Variants in LTBP1 observed in about 807,000 individuals in gnomAD.
The protein encoded by LTBP1 is latent-transforming growth factor beta-binding protein 1.
In LTBP1, 129 loss-of-function variants were observed where a neutral mutation model predicts 207.6. That is an observed-to-expected ratio of 0.62 (90% CI 0.54 to 0.72). LTBP1 has a LOEUF of 0.72. Among genes scored for constraint, LTBP1 ranks in the 30% least tolerant of loss-of-function variants. The pLI, the probability that LTBP1 is intolerant of heterozygous loss-of-function variation, is 0.00. For synonymous variants in LTBP1, 963 were observed against 833.7 expected (o/e 1.16, Z -2.67); for missense variants, 2,281 against 2,217.2 (o/e 1.03, Z -0.58).
At chr2:32,954,940 C>T (rs578249464) in intron 2 of LTBP1, among the ~76,000 whole-genome samples, 1 of 152,228 alleles carries the variant, frequency 6.6e-6, no homozygotes, top group South Asian at 2.1e-4. Context: ...TTGGTGATGC[C>T]TCTGGCCATT....
intron 4 of LTBP1, among the ~76,000 whole-genome samples, chr2:33,131,267 A>C (rs1465361336): frequency 6.6e-6 from 1 of 152,204 alleles, no homozygotes; most frequent in Non-Finnish European, 1.5e-5. Flanking sequence ...TGATAGACCA[A>C]ATGGCTTTTG....
chr2:33,242,635 T>C (rs1246114865), intron 9 of LTBP1, among the ~76,000 whole-genome samples: 1 of 151,508 alleles, frequency 6.6e-6, no homozygotes, highest in Non-Finnish European at 1.5e-5. Flanking sequence ...TTTCTCTTAC[T>C]TTCTCATGAT....
In LTBP1 at chr2:33,188,586, C is replaced by T. The variant is rs202164294; in HGVS notation, c.1436C>T (p.Pro479Leu). 1.2e-6 allele frequency: 2 copies of T among 1,610,756 alleles called. No individual in the cohort carries two copies. Among genetic ancestry groups the T allele is most frequent in the Non-Finnish European group, 1.7e-6 (2 of 1,178,624 alleles). ...TCCCAATCTGTTGTAGTGAAATTTC[C>T]TCCTAACATAGTCAATATCCATGTG... ...TSQQGVKVKF[P>L]PNIVNIHVKH... is the part of the protein sequence containing the mutation. Residue 479 changes from proline to leucine, a missense_variant, in exon 7 of 34, where the codon CCT (proline) becomes CTT (leucine). Around this residue, in one of 3 missense-constraint regions of LTBP1, gnomAD observed 1,671 missense variants for 1,634.8 expected, o/e 1.02. Coordinates refer to ENST00000404816, the MANE Select transcript of LTBP1 (RefSeq NM_206943.4).
chr2:33,168,937 C>A (rs1486110308), intron 5 of LTBP1, among the ~76,000 whole-genome samples: 1 of 152,106 alleles, frequency 6.6e-6, no homozygotes, highest in African/African-American at 2.4e-5. Context: ...GGGATCCGTG[C>A]CCTTTAAAAG....
intron 13 of LTBP1, among the ~76,000 whole-genome samples, chr2:33,260,941 G>A (rs2092993190): frequency 2.0e-5 from 3 of 152,164 alleles, no homozygotes; most frequent in Admixed American, 2.0e-4. Flanking sequence ...TTTATTTGGG[G>A]AGGAGATAGT....
At position 33,047,736 on chromosome 2, in the gene LTBP1, T is replaced by C. The variant is rs189648012; in HGVS notation, c.863+26530T>C. ...GGGGTGTTAAAGTCTCCCACTATTA[T>C]TGTGTGAGAGTCTAAGTCTCTTTTA... On this transcript the variant is annotated intron_variant, in intron 3 of 33. Transcript: ENST00000404816. 9.2e-5 allele frequency among the ~76,000 whole-genome samples: 14 copies of C among 152,316 alleles called. No homozygotes were observed. The East Asian group carries it at 1.2e-3, about 13-fold the overall frequency.
intron 13 of LTBP1, 35 bp downstream of exon 13, chr2:33,259,645 C>A (rs2092957491): frequency 1.9e-6 from 3 of 1,571,130 alleles, no homozygotes. Flanking sequence ...CTTTTTTTTT[C>A]AACGCTCAAA....
At chr2:33,054,721 G>A (rs1038483984) in intron 3 of LTBP1, among the ~76,000 whole-genome samples, 4 of 152,138 alleles carry the variant, frequency 2.6e-5, no homozygotes, top group Non-Finnish European at 4.4e-5. Context: ...TGAGAAGGCC[G>A]CACCAGTGTC....
At position 33,388,135 on chromosome 2, in the gene LTBP1, C is replaced by CA. The variant is rs1358677728; in HGVS notation, c.4712-1048dup. 1.8e-4 allele frequency among the ~76,000 whole-genome samples: 28 copies of CA among 152,330 alleles called. No individual in the cohort carries two copies. The East Asian group carries it at 5.2e-3, about 28-fold the overall frequency. On this transcript the variant is annotated intron_variant, in intron 31 of 33. Coordinates refer to ENST00000404816, the MANE Select transcript of LTBP1 (RefSeq NM_206943.4). The stretch of plus-strand genomic sequence containing the variant: ...TTAAATGTAGACAAGAGCCTGGGAT[C>CA]ATGAAAAGCATTGAAACCTCAGTAA...
intron 10 of LTBP1, among the ~76,000 whole-genome samples, chr2:33,244,919 C>G (rs2092458557): frequency 6.6e-6 from 1 of 152,000 alleles, no homozygotes; most frequent in Non-Finnish European, 1.5e-5. Flanking sequence ...ACTTTTGTCA[C>G]CCAGGCTGGA....
chr2:33,157,959 TG>T (rs1393333627), intron 5 of LTBP1, among the ~76,000 whole-genome samples: 1 of 151,976 alleles, frequency 6.6e-6, no homozygotes, highest in Non-Finnish European at 1.5e-5. Flanking sequence ...ATGGCCAACA[TG>T]GGGAAACCCT....
chr2:33,094,510 T>A (rs2079282882), intron 3 of LTBP1, among the ~76,000 whole-genome samples: 1 of 152,230 alleles, frequency 6.6e-6, no homozygotes, highest in Non-Finnish European at 1.5e-5. Context: ...CCTAAGTCCC[T>A]TTTAGCTGTC....
Position 33,134,571 on chromosome 2 carries a change from T to C in LTBP1, c.1034-222T>C, listed in dbSNP as rs1189021010. The C allele has an allele frequency of 6.5e-7, 1 of 1,534,492 alleles. No homozygotes were observed. The highest frequency in any genetic ancestry group is 1.4e-5 in the African/African-American group (1 of 72,736). On this transcript the variant is annotated intron_variant, in intron 4 of 33. Coordinates refer to ENST00000404816, the MANE Select transcript of LTBP1 (RefSeq NM_206943.4). The surrounding 1 kb of genome is among the most constrained non-coding windows in gnomAD (Gnocchi z 4.4). The stretch of plus-strand genomic sequence containing the variant: ...TTTGGAGTGCATCCCAGAGTTCTGT[T>C]TGCTAAGCTTCCTACTCCTGTTTCA...
chr2:33,217,524 C>G (rs371797040), intron 7 of LTBP1, 28 bp from the exon 8 acceptor site: 26 of 1,549,368 alleles, frequency 1.7e-5, no homozygotes, highest in Admixed American at 3.3e-5. Flanking sequence ...CTCAATTAAC[C>G]TTCATATTTC....
At position 33,110,894 on chromosome 2, in the gene LTBP1, C is replaced by G. The variant is rs142041045; in HGVS notation, c.1033+143C>G. On this transcript the variant is annotated intron_variant, in intron 4 of 33. Transcript: ENST00000404816. ...AATCCACATTGGTTCCTGAAGCAACCAGACAGCAGAAATTTAGCATGGTTT... is the reference window on the plus strand; with the variant it reads ...AATCCACATTGGTTCCTGAAGCAACGAGACAGCAGAAATTTAGCATGGTTT... 6,924 of 737,788 alleles carry G rather than the reference C, an allele frequency of 9.4e-3. 66 individuals are homozygous for G. Among genetic ancestry groups the G allele is most frequent in the East Asian group, 0.022 (798 of 35,742 alleles). The allele number at this position is 737,788 out of a possible 1,614,324, so 45.7% of individuals were successfully genotyped here. A position where few individuals can be genotyped will look rare whatever the true frequency, so the allele number is the denominator to read the frequency against.
At chr2:33,020,853 T>C in intron 2 of LTBP1, 56 bp from the exon 3 acceptor site, 1 of 1,482,914 alleles carries the variant, frequency 6.7e-7, no homozygotes, top group Non-Finnish European at 9.0e-7. Context: ...TTTGGAAAAA[T>C]TAGGAAGTCT....
chr2:33,396,726 T>C (rs1419282251), intron 32 of LTBP1, among the ~76,000 whole-genome samples: 1 of 152,218 alleles, frequency 6.6e-6, no homozygotes, highest in East Asian at 1.9e-4. Context: ...CTTACGGACC[T>C]TCTTAGCAAA....
intron 7 of LTBP1, among the ~76,000 whole-genome samples, chr2:33,189,204 T>TTGAG (rs2087560985): frequency 6.6e-6 from 1 of 151,948 alleles, no homozygotes; most frequent in Admixed American, 6.6e-5. Context: ...GATTGATTGA[T>TTGAG]TGATTGATTG....
chr2:33,237,323 T>G (rs1239663001), intron 9 of LTBP1, among the ~76,000 whole-genome samples: 1 of 152,192 alleles, frequency 6.6e-6, no homozygotes, highest in African/African-American at 2.4e-5. Flanking sequence ...TTCTCAAACA[T>G]ATTTGGCTGC....
Sources: allele counts gnomAD v4.1 joint callset (sites outside exome capture counted in the v4.1 genomes callset), GRCh38; gene constraint gnomAD v4.1.1; regional missense constraint gnomAD v4.1.1; non-coding constraint Gnocchi (gnomAD v3.1); transcripts MANE v1.5; gene names NCBI Gene and HGNC (gene_info 2026-07-23, HGNC 2026-07-21).